Variants in CDADC1 observed in about 807,000 individuals in gnomAD.
The protein encoded by CDADC1 is cytidine and dCMP deaminase domain containing 1, also known as dCTP deaminase.
A neutral mutation model predicts 54.9 loss-of-function variants in CDADC1; 39 were observed. The ratio of observed to expected loss-of-function variants is 0.71; its 90% CI spans 0.55 to 0.93. The LOEUF (loss-of-function observed/expected upper bound fraction) is 0.93. Ranked by LOEUF, CDADC1 falls within the 40% of genes least tolerant of loss-of-function variation. The probability of loss-of-function intolerance (pLI) is 0.00; values close to 1 mark genes in which losing one functional copy is unlikely to be tolerated. For synonymous variants in CDADC1, 186 were observed against 204.0 expected (o/e 0.91, Z 0.75); for missense variants, 518 against 618.8 (o/e 0.84, Z 1.73).
chr13:49,263,746 C>CA (rs1463399165), intron 4 of CDADC1, among the ~76,000 whole-genome samples: 2 of 151,102 alleles, frequency 1.3e-5, no homozygotes, highest in African/African-American at 4.9e-5. Context: ...TCTATTAAGC[C>CA]AAATTTTTTT....
At chr13:49,252,288 G>C (rs6561509) in intron 2 of CDADC1, among the ~76,000 whole-genome samples, 148,871 of 152,282 alleles carry the variant, frequency 0.98, 72,832 homozygotes, top group East Asian at 1. Flanking sequence ...TACCTACAGG[G>C]CTTGGGACTC....
chr13:49,283,566 G>A (rs921649672), intron 8 of CDADC1, among the ~76,000 whole-genome samples: 2 of 152,166 alleles, frequency 1.3e-5, no homozygotes, highest in African/African-American at 4.8e-5. Context: ...GATGGGTTAT[G>A]GAGAATTCTG....
chr13:49,252,838 C>T (rs1466447883), intron 2 of CDADC1, among the ~76,000 whole-genome samples: 1 of 152,150 alleles, frequency 6.6e-6, no homozygotes, highest in Admixed American at 6.5e-5. Context: ...TTAAATTATA[C>T]AGTAAGAATA....
intron 8 of CDADC1, among the ~76,000 whole-genome samples, chr13:49,281,558 C>T (rs1452475237): frequency 1.3e-5 from 2 of 152,114 alleles, no homozygotes; most frequent in Non-Finnish European, 2.9e-5. Context: ...CTAATTCCAC[C>T]GCTCATCTGA....
intron 6 of CDADC1, among the ~76,000 whole-genome samples, chr13:49,275,714 TATATATATATATAGAGAGAGAGAGAG>T (rs1953096303): frequency 7.4e-4 from 57 of 76,728 alleles, no homozygotes; most frequent in East Asian, 1.3e-3. Flanking sequence ...TATATATATA[TATATATATATATAGAGAGAGAGAGAG>T]AGAGAGAGAG....
In CDADC1 at chr13:49,281,896, G is replaced by A. The variant is rs912857191; in HGVS notation, c.1410+1198G>A. ...CAAACTCAGCCTCCCGGGTTCCAGC[G>A]ATTCTCCTGCCTTGCTACCCCCACC... On this transcript the variant is annotated intron_variant, in intron 8 of 9. Transcript: ENST00000251108. 1.5e-4 allele frequency among the ~76,000 whole-genome samples: 23 copies of A among 151,650 alleles called. 1 individual carries two copies. Among genetic ancestry groups the A allele is most frequent in the Non-Finnish European group, 3.4e-4 (23 of 67,858 alleles).
chr13:49,268,614 A>G (rs1332409353), intron 5 of CDADC1, among the ~76,000 whole-genome samples: 1 of 152,184 alleles, frequency 6.6e-6, no homozygotes, highest in Non-Finnish European at 1.5e-5. Flanking sequence ...GCAGTGAGCT[A>G]CAATAGCACC....
At chr13:49,285,279 C>T (rs763925840) in intron 8 of CDADC1, among the ~76,000 whole-genome samples, 2 of 150,110 alleles carry the variant, frequency 1.3e-5, no homozygotes, top group African/African-American at 4.9e-5. Context: ...CCCGGGTTCT[C>T]GCCATTCTCC....
At position 49,285,411 on chromosome 13, in the gene CDADC1, G is replaced by A. The variant is rs148973086; in HGVS notation, c.1411-811G>A. The stretch of plus-strand genomic sequence containing the variant: ...GCCAGGATGGTCTCTATCTGACCTC[G>A]TGATCCACCCACCTCAGCCTCCCAA... On this transcript the variant is annotated intron_variant, in intron 8 of 9. Coordinates refer to ENST00000251108, the MANE Select transcript of CDADC1 (RefSeq NM_030911.4). 3.3e-3 allele frequency among the ~76,000 whole-genome samples: 501 copies of A among 152,042 alleles called. 4 individuals are homozygous for A. Among genetic ancestry groups the A allele is most frequent in the African/African-American group, 0.011 (458 of 41,492 alleles).
intron 9 of CDADC1, among the ~76,000 whole-genome samples, chr13:49,291,101 C>T (rs888143422): frequency 6.6e-6 from 1 of 151,942 alleles, no homozygotes; most frequent in African/African-American, 2.4e-5. Context: ...GACGTCCCCC[C>T]ACCAAAAACA....
rs750368712 is a variant in CDADC1 at position 49,291,754 on chromosome 13, C to G, written c.1542C>G (p.His514Gln). 6.2e-7 allele frequency: 1 copy of G among 1,614,014 alleles called. No homozygotes were observed. The highest frequency in any genetic ancestry group is 1.1e-5 in the South Asian group (1 of 91,074). ...ACAAGAAGCTGCGCCTCGGAATCCA[C>G]TAAGAAGGCCTGTCTACACTGCAGG... is the stretch of plus-strand genomic sequence containing the variant. ...HQDKKLRLGIH is the reference protein window; with the variant it reads ...HQDKKLRLGIQ The change falls in exon 10 of 10, where the codon CAC becomes CAG. Residue 514 changes from histidine (H) to glutamine (Q), a missense_variant. By Grantham distance (24) the His-to-Gln change is conservative. Coordinates refer to ENST00000251108, the MANE Select transcript of CDADC1 (RefSeq NM_030911.4).
chr13:49,285,536 T>A (rs1204980303), intron 8 of CDADC1, among the ~76,000 whole-genome samples: 2 of 152,176 alleles, frequency 1.3e-5, no homozygotes, highest in African/African-American at 4.8e-5. Context: ...TAAGATTCTC[T>A]AGGACCTGGA....
intron 9 of CDADC1, among the ~76,000 whole-genome samples, chr13:49,286,842 A>T (rs1190237821): frequency 6.6e-6 from 1 of 152,250 alleles, no homozygotes; most frequent in East Asian, 1.9e-4. Flanking sequence ...GAGAAGTCTT[A>T]CAATTCTTTA....
At chr13:49,270,042 A>G (rs1245101734) in intron 5 of CDADC1, among the ~76,000 whole-genome samples, 1 of 136,564 alleles carries the variant, frequency 7.3e-6, no homozygotes, top group Non-Finnish European at 1.6e-5. Flanking sequence ...TCTGTCACTC[A>G]CTCTACTCCA....
chr13:49,280,959 G>C (rs1195131277), intron 8 of CDADC1, among the ~76,000 whole-genome samples: 4 of 151,522 alleles, frequency 2.6e-5, no homozygotes, highest in African/African-American at 9.7e-5. Flanking sequence ...TCAGCCCCCC[G>C]AGTAGCTGGG....
intron 8 of CDADC1, among the ~76,000 whole-genome samples, chr13:49,281,968 C>A (rs1278287410): frequency 7.1e-6 from 1 of 140,550 alleles, no homozygotes; most frequent in Non-Finnish European, 1.5e-5. Context: ...CGCACGCCAC[C>A]ATGCCCAGCT....
At chr13:49,287,778 G>T (rs936629691) in intron 9 of CDADC1, among the ~76,000 whole-genome samples, 3 of 151,918 alleles carry the variant, frequency 2.0e-5, no homozygotes, top group Non-Finnish European at 2.9e-5. Flanking sequence ...TTGAAACCAG[G>T]CTAGGCAACA....
At chr13:49,248,632 T>C (rs969834582) in intron 1 of CDADC1, among the ~76,000 whole-genome samples, 2 of 152,210 alleles carry the variant, frequency 1.3e-5, no homozygotes, top group African/African-American at 4.8e-5. Context: ...TACCGTTTTT[T>C]CCTGCAGGGT....
intron 1 of CDADC1, 95 bp from the exon 2 acceptor site, chr13:49,248,776 C>T: frequency 1.3e-6 from 1 of 777,852 alleles, no homozygotes. Flanking sequence ...GCGAAAGCAG[C>T]TGGGCTTAGG....
Sources: allele counts gnomAD v4.1 joint callset (sites outside exome capture counted in the v4.1 genomes callset), GRCh38; gene constraint gnomAD v4.1.1; transcripts MANE v1.5; gene names NCBI Gene and HGNC (gene_info 2026-07-23, HGNC 2026-07-21).